NUGGC: variants seen among roughly 807,000 people sequenced by gnomAD.
NUGGC encodes the protein nuclear GTPase, germinal center associated.
NUGGC carries 58 observed loss-of-function variants against 92.6 expected under a neutral mutation model. The ratio of observed to expected loss-of-function variants is 0.63; its 90% CI spans 0.51 to 0.78. NUGGC has a LOEUF of 0.78. Ranked by LOEUF, NUGGC falls within the 30% of genes least tolerant of loss-of-function variation. The probability of loss-of-function intolerance (pLI) is 0.00; values close to 1 mark genes in which losing one functional copy is unlikely to be tolerated. For synonymous variants in NUGGC, 376 were observed against 366.4 expected (o/e 1.03, Z -0.30); for missense variants, 925 against 964.6 (o/e 0.96, Z 0.54).
chr8:28,045,557 T>C lies in NUGGC; in HGVS notation c.1416A>G (p.Thr472=). 1 of 1,612,704 alleles carries C rather than the reference T, an allele frequency of 6.2e-7. No homozygotes were observed. The highest frequency in any genetic ancestry group is 1.1e-5 in the South Asian group (1 of 90,996). The change falls in exon 12 of 19, where the codon ACA becomes ACG. Residue 472 remains threonine (T), a synonymous_variant. Transcript: ENST00000413272. ...VTEAFGLLLL[T]DSFNSTQNLP... is the part of the protein sequence containing the mutation. ...GGTTTTGCGTGGAGTTGAAACTATCTGTGAGGAGCAACAGGCCAAAGGCTT... is the reference window on the plus strand; with the variant it reads ...GGTTTTGCGTGGAGTTGAAACTATCCGTGAGGAGCAACAGGCCAAAGGCTT...
In NUGGC at chr8:28,048,916, T is replaced by C. The variant is rs937448119; in HGVS notation, c.1207-1304A>G. ...TAAGAATTATTTGAGGGAGTCTTTT[T>C]TTGTGCTTAGAAAAACAGTGTCGTG... On this transcript the variant is annotated intron_variant, in intron 10 of 18. Transcript: ENST00000413272. Among the ~76,000 whole-genome samples, 9 of 151,962 alleles carry C rather than the reference T, an allele frequency of 5.9e-5. No homozygotes were observed. In the South Asian group the frequency reaches 1.9e-3, roughly 32 times the overall value.
intron 1 of NUGGC, among the ~76,000 whole-genome samples, chr8:28,077,401 A>C (rs1810749092): frequency 6.6e-6 from 1 of 151,828 alleles, no homozygotes; most frequent in Non-Finnish European, 1.5e-5. Context: ...TACCAAAAAA[A>C]AAAAAAAAGA....
chr8:28,075,206 G>A (rs1810691035), intron 1 of NUGGC, among the ~76,000 whole-genome samples: 2 of 152,166 alleles, frequency 1.3e-5, no homozygotes, highest in South Asian at 4.1e-4. Flanking sequence ...GCTGACTGGG[G>A]AAGGAGATGC....
At chr8:28,047,261 C>T (rs78215784) in intron 11 of NUGGC, among the ~76,000 whole-genome samples, 3 of 152,260 alleles carry the variant, frequency 2.0e-5, no homozygotes, top group Admixed American at 6.5e-5. Context: ...TGAGCCACTG[C>T]GCCCAGCAAC....
chr8:28,032,201 T>G (rs980773297), intron 14 of NUGGC, among the ~76,000 whole-genome samples: 1 of 152,104 alleles, frequency 6.6e-6, no homozygotes, highest in South Asian at 2.1e-4. Context: ...CCCACAGAAT[T>G]GTAAACAGGG....
intron 10 of NUGGC, among the ~76,000 whole-genome samples, chr8:28,051,547 C>T (rs1416364439): frequency 1.3e-5 from 2 of 152,138 alleles, no homozygotes; most frequent in Non-Finnish European, 2.9e-5. Flanking sequence ...AGTAGGGGCA[C>T]AAAAATCCTG....
chr8:28,060,635 G>C (rs1258367935), intron 7 of NUGGC, 34 bp from the exon 8 acceptor site: 1 of 1,587,252 alleles, frequency 6.3e-7, no homozygotes, highest in East Asian at 2.3e-5. Flanking sequence ...TGTCAGCACA[G>C]GAATGGAGTC....
At chr8:28,056,114 G>A (rs1343846237) in intron 9 of NUGGC, 60 bp from the exon 10 acceptor site, 18 of 911,800 alleles carry the variant, frequency 2.0e-5, no homozygotes, top group Non-Finnish European at 2.9e-5. Flanking sequence ...GTGATGAGGT[G>A]GCAAGATGCA....
At chr8:28,053,644 T>C (rs367668513) in intron 10 of NUGGC, among the ~76,000 whole-genome samples, 5 of 152,212 alleles carry the variant, frequency 3.3e-5, no homozygotes, top group East Asian at 1.9e-4. Flanking sequence ...GTGACAGCTA[T>C]AGTCACCCTG....
At position 28,026,996 on chromosome 8, in the gene NUGGC, C is replaced by T. The variant is rs142086182; in HGVS notation, c.2211G>A (p.Ser737=). The change falls in exon 18 of 19, where the codon TCG becomes TCA. Residue 737 remains serine, a synonymous_variant. Transcript: ENST00000413272. ...GSITTMLALA[S]SQGDGLYKEL... Reference sequence around the variant, plus strand: ...CCTTGTAGAGGCCATCCCCCTGGGACGAAGCAAGGGCCAGCATAGTGGTGA... The same window carrying T: ...CCTTGTAGAGGCCATCCCCCTGGGATGAAGCAAGGGCCAGCATAGTGGTGA... 2.9e-5 allele frequency: 46 copies of T among 1,613,744 alleles called. No individual in the cohort carries two copies. Among genetic ancestry groups the T allele is most frequent in the East Asian group, 2.0e-4 (9 of 44,886 alleles).
intron 7 of NUGGC, among the ~76,000 whole-genome samples, chr8:28,061,814 G>A (rs1464979590): frequency 6.6e-6 from 1 of 152,090 alleles, no homozygotes; most frequent in East Asian, 1.9e-4. Flanking sequence ...GGTAAAGGCC[G>A]AGGATGCAGC....
At chr8:28,026,585 A>G (rs1809266442) in intron 18 of NUGGC, among the ~76,000 whole-genome samples, 1 of 152,236 alleles carries the variant, frequency 6.6e-6, no homozygotes, top group African/African-American at 2.4e-5. Flanking sequence ...GCCGCTTTCC[A>G]GCTATGGGAC....
intron 13 of NUGGC, among the ~76,000 whole-genome samples, chr8:28,034,249 T>C (rs987536408): frequency 4.6e-5 from 7 of 152,190 alleles, no homozygotes; most frequent in Non-Finnish European, 8.8e-5. Flanking sequence ...GATGTTTTTT[T>C]CCCAGGGAAA....
chr8:28,068,116 G>T, intron 5 of NUGGC, 100 bp downstream of exon 5: 1 of 685,486 alleles, frequency 1.5e-6, no homozygotes, highest in Non-Finnish European at 2.5e-6. Flanking sequence ...AGGGAGGGAA[G>T]AGGAAGGAAG....
chr8:28,067,762 G>A lies in NUGGC; in HGVS notation c.481-18C>T, dbSNP rs764047689. 3 of 1,584,564 alleles carry A rather than the reference G, an allele frequency of 1.9e-6. No individual in the cohort carries two copies. The highest frequency in any genetic ancestry group is 2.6e-6 in the Non-Finnish European group (3 of 1,157,510). ...CTCCACTCCTGCCAAGGCAGAGTAG[G>A]GCCAAGCCCCTCTTGACACAGACAC... On this transcript the variant is annotated intron_variant, in intron 5 of 18. Coordinates refer to ENST00000413272, the MANE Select transcript of NUGGC (RefSeq NM_001010906.2).
chr8:28,030,559 G>C (rs551257783), intron 15 of NUGGC, 141 bp from the exon 16 acceptor site: 12 of 640,786 alleles, frequency 1.9e-5, no homozygotes, highest in Middle Eastern at 2.7e-4. Flanking sequence ...CCACAACTAG[G>C]CTGTGAGCTT....
chr8:28,035,476 G>A (rs766079631), intron 13 of NUGGC, among the ~76,000 whole-genome samples: 7 of 152,088 alleles, frequency 4.6e-5, no homozygotes, highest in Non-Finnish European at 8.8e-5. Flanking sequence ...AAAGATACCC[G>A]GCTGCTCGCT....
At position 28,060,583 on chromosome 8, in the gene NUGGC, C is replaced by T; in HGVS notation, c.940G>A (p.Val314Met). The change falls in exon 8 of 19, where the codon GTG becomes ATG. Residue 314 changes from valine (V) to methionine (M), a missense_variant. Val to Met is a conservative substitution (Grantham distance 21). Transcript: ENST00000413272. ...TCTATGTCGCTGATCACCCAGATCA[C>T]TGAGCACTTGTCAATGGTCTGCAAA... Reference protein sequence around the residue: ...MWKKTIDKCSVIWVISDIERV... With the variant: ...MWKKTIDKCSMIWVISDIERV... 1 of 1,612,128 alleles carries T rather than the reference C, an allele frequency of 6.2e-7. No individual in the cohort carries two copies. The highest frequency in any genetic ancestry group is 8.5e-7 in the Non-Finnish European group (1 of 1,179,310).
chr8:28,032,895 C>T (rs1047820616), intron 14 of NUGGC, among the ~76,000 whole-genome samples: 2 of 152,058 alleles, frequency 1.3e-5, no homozygotes, highest in Non-Finnish European at 2.9e-5. Context: ...TGTGGTGGCT[C>T]ACACCAGTAA....
Sources: gnomAD v4.1 joint callset for allele counts (sites outside exome capture counted in the v4.1 genomes callset) on GRCh38, gnomAD v4.1.1 for gene constraint, MANE v1.5 for transcripts, NCBI Gene and HGNC (gene_info 2026-07-23, HGNC 2026-07-21) for gene names.